CPM: variants seen among roughly 807,000 people sequenced by gnomAD.
CPM encodes the protein carboxypeptidase M, also known as renal carboxypeptidase.
In CPM, 35 loss-of-function variants were observed where a neutral mutation model predicts 46.4. The observed-to-expected ratio is 0.75, with a 90% CI of 0.58 to 1.00. The LOEUF (loss-of-function observed/expected upper bound fraction) is 1.00, where lower values mean the gene tolerates loss of function less well. CPM is among the 50% of genes least tolerant of loss of function. The pLI, the probability that CPM is intolerant of heterozygous loss-of-function variation, is 0.00. For missense variants in CPM, 422 were observed against 530.4 expected (o/e 0.80, Z 2.01); for synonymous variants, 195 against 195.3 (o/e 1.00, Z 0.01).
chr12:68,922,153 AG>A (rs570826270), intron 2 of CPM, among the ~76,000 whole-genome samples: 199 of 152,304 alleles, frequency 1.3e-3, no homozygotes, highest in African/African-American at 4.7e-3. Flanking sequence ...GGCTTCCTGG[AG>A]GAAGCAACAT....
intron 1 of CPM, among the ~76,000 whole-genome samples, chr12:68,944,717 GT>G (rs58846868): frequency 0.17 from 24,694 of 148,404 alleles, 2,090 homozygotes; most frequent in Middle Eastern, 0.21. Flanking sequence ...CTTGTTTTTT[GT>G]TTTTTTTTTT....
chr12:68,914,035 T>C lies in CPM; in HGVS notation c.160+18643A>G, dbSNP rs538035602. On this transcript the variant is annotated intron_variant, in intron 2 of 8. Coordinates refer to ENST00000551568, the MANE Select transcript of CPM (RefSeq NM_198320.5). ...GACTGCGGCCTCTTCAAATCCTCAC[T>C]ATTCCATTCCTCAGGTATAAATGCT... is the stretch of plus-strand genomic sequence containing the variant. 40 of 705,172 alleles carry C rather than the reference T, an allele frequency of 5.7e-5. No individual in the cohort carries two copies. In the African/African-American group the frequency reaches 6.4e-4, roughly 11 times the overall value. The allele number at this position is 705,172 out of a possible 1,614,324, so 43.7% of individuals were successfully genotyped here.
At chr12:68,900,104 G>T (rs961742650) in intron 2 of CPM, among the ~76,000 whole-genome samples, 1 of 152,084 alleles carries the variant, frequency 6.6e-6, no homozygotes, top group Non-Finnish European at 1.5e-5. Flanking sequence ...CAGACTTGGA[G>T]AAAATGTTTG....
Position 68,932,787 on chromosome 12 carries a change from CGCAGCTACCAAAG to C in CPM, c.38_50del (p.Pro13ArgfsTer16). 1 of 1,614,102 alleles carries C rather than the reference CGCAGCTACCAAAG, an allele frequency of 6.2e-7. No homozygotes were observed. The highest frequency in any genetic ancestry group is 8.5e-7 in the Non-Finnish European group (1 of 1,180,012). On this transcript the variant is annotated frameshift_variant, in exon 2 of 9. Transcript: ENST00000551568. LOFTEE classifies it high-confidence loss of function. ...CCTGGCGGTGGTAGTTGAAATCCAGCGCAGCTACCAAAGGCAGCAACAGCCCTAGCCAGAGGCA... is the reference window on the plus strand; with the variant it reads ...CCTGGCGGTGGTAGTTGAAATCCAGCGCAGCAACAGCCCTAGCCAGAGGCA...
chr12:68,857,002 G>C (rs1885004552), intron 8 of CPM, among the ~76,000 whole-genome samples: 1 of 152,126 alleles, frequency 6.6e-6, no homozygotes, highest in African/African-American at 2.4e-5. Context: ...GAAGGGTAAA[G>C]AGATAACTCT....
chr12:68,932,611 G>A (rs878938457), intron 2 of CPM, 67 bp downstream of exon 2: 9 of 1,566,952 alleles, frequency 5.7e-6, no homozygotes, highest in South Asian at 4.5e-5. Context: ...GGAAGCTGGG[G>A]CATATTTAAT....
At chr12:68,862,676 A>T (rs1885260879) in intron 7 of CPM, among the ~76,000 whole-genome samples, 1 of 145,934 alleles carries the variant, frequency 6.9e-6, no homozygotes, top group Non-Finnish European at 1.5e-5. Context: ...GCCAAATAAA[A>T]GCGTGCTTTA....
intron 2 of CPM, among the ~76,000 whole-genome samples, chr12:68,896,826 G>A (rs1886892391): frequency 6.6e-6 from 1 of 152,014 alleles, no homozygotes; most frequent in Non-Finnish European, 1.5e-5. Flanking sequence ...GTAGATGTTA[G>A]GTTCCATTTC....
Position 68,901,142 on chromosome 12 carries a change from T to C in CPM, c.161-15253A>G, listed in dbSNP as rs76970348. ...GCTTTTGGGTACTGGTTCTTGGGTT[T>C]TAAGTAAATATTTATATTTGTATTG... On this transcript the variant is annotated intron_variant, in intron 2 of 8. Transcript: ENST00000551568. 3.5e-4 allele frequency among the ~76,000 whole-genome samples: 53 copies of C among 152,310 alleles called. No homozygotes were observed. In the East Asian group the frequency reaches 6.9e-3, roughly 20 times the overall value.
intron 1 of CPM, among the ~76,000 whole-genome samples, chr12:68,941,170 C>CATGTGT (rs1555201993): frequency 1.4e-5 from 2 of 140,602 alleles, no homozygotes; most frequent in Non-Finnish European, 3.1e-5. Flanking sequence ...GTGCTGAGTA[C>CATGTGT]GTGTGTGTGT....
At chr12:68,903,668 C>T (rs1214744135) in intron 2 of CPM, among the ~76,000 whole-genome samples, 1 of 152,162 alleles carries the variant, frequency 6.6e-6, no homozygotes, top group East Asian at 1.9e-4. Context: ...TATGCTCTGC[C>T]AGTTTCACAA....
At chr12:68,856,804 C>A in intron 8 of CPM, 125 bp from the exon 9 acceptor site, 2 of 1,273,728 alleles carry the variant, frequency 1.6e-6, no homozygotes, top group Non-Finnish European at 1.1e-6. Flanking sequence ...TCTACCAGAC[C>A]TCTGGGCCAG....
At chr12:68,899,933 C>T (rs1290072374) in intron 2 of CPM, among the ~76,000 whole-genome samples, 1 of 152,076 alleles carries the variant, frequency 6.6e-6, no homozygotes, top group African/African-American at 2.4e-5. Flanking sequence ...AGATGGAGCT[C>T]ATGAGAGAGA....
At chr12:68,857,158 CTTTTTTCTTTTT>C (rs1371406073) in intron 8 of CPM, among the ~76,000 whole-genome samples, 1 of 146,636 alleles carries the variant, frequency 6.8e-6, no homozygotes, top group Non-Finnish European at 1.5e-5. Context: ...TCTTTCTTTT[CTTTTTTCTTTTT>C]TTTTTTTTGA....
intron 5 of CPM, chr12:68,845,349 A>T (rs1225774924): frequency 4.7e-6 from 1 of 212,378 alleles, no homozygotes; most frequent in Non-Finnish European, 9.5e-6. Context: ...ATCTGAAAGC[A>T]CCAGCACTTG....
At chr12:68,932,891 G>T in intron 1 of CPM, 51 bp from the exon 2 acceptor site, 1 of 1,558,316 alleles carries the variant, frequency 6.4e-7, no homozygotes. Context: ...AGGGCAGGCG[G>T]GGGCATCACC....
intron 1 of CPM, among the ~76,000 whole-genome samples, chr12:68,953,193 A>AGAAAGGGG (rs1888962777): frequency 2.0e-5 from 3 of 152,092 alleles, no homozygotes; most frequent in South Asian, 2.1e-4. Flanking sequence ...TCAAGGTAGT[A>AGAAAGGGG]CACTTCACGT....
At chr12:68,940,398 A>G (rs1382972859) in intron 1 of CPM, among the ~76,000 whole-genome samples, 3 of 151,442 alleles carry the variant, frequency 2.0e-5, no homozygotes, top group African/African-American at 7.3e-5. Flanking sequence ...ATCATACAGA[A>G]TAATTTCATG....
intron 2 of CPM, among the ~76,000 whole-genome samples, chr12:68,922,271 A>G (rs1888068120): frequency 6.6e-6 from 1 of 152,222 alleles, no homozygotes; most frequent in Admixed American, 6.5e-5. Context: ...CTGTATTTGT[A>G]TATGTGCGTG....
Sources: gnomAD v4.1 joint callset for allele counts (sites outside exome capture counted in the v4.1 genomes callset) on GRCh38, gnomAD v4.1.1 for gene constraint, MANE v1.5 for transcripts, NCBI Gene and HGNC (gene_info 2026-07-23, HGNC 2026-07-21) for gene names.